The following SESTD1 variants were observed in gnomAD, a reference collection of about 807,000 sequenced individuals.
SESTD1 encodes the protein SEC14 and spectrin domain containing 1.
In SESTD1, 43 loss-of-function variants were observed where a neutral mutation model predicts 101.7. The observed-to-expected ratio is 0.42, with a 90% CI of 0.33 to 0.55. The LOEUF is 0.55. SESTD1 is among the 20% of genes least tolerant of loss of function. The probability of loss-of-function intolerance (pLI) is 0.07; values close to 1 mark genes in which losing one functional copy is unlikely to be tolerated. For missense variants in SESTD1, 647 were observed against 815.1 expected, an observed-to-expected ratio of 0.79 and a Z score of 2.51; for synonymous variants, 283 against 286.8, an observed-to-expected ratio of 0.99 and a Z score of 0.13.
At chr2:179,215,203 TG>T (rs2046703941) in intron 1 of SESTD1, among the ~76,000 whole-genome samples, 1 of 134,896 alleles carries the variant, frequency 7.4e-6, no homozygotes, top group Non-Finnish European at 1.6e-5. Context: ...ATGCAGGAGC[TG>T]GTTTTTTGAA....
Position 179,106,552 on chromosome 2 carries a change from G to A in SESTD1, c.*3347C>T, listed in dbSNP as rs186943887. On this transcript the variant is annotated 3_prime_UTR_variant, in exon 18 of 18. Transcript: ENST00000428443. ...AAGGTAACTTAATTGTCATGCTCAC[G>A]CTAAGGAGTACGACACTAATAATAC... 8.5e-5 allele frequency: 13 copies of A among 152,238 alleles called. No homozygotes were observed. In the East Asian group the frequency reaches 1.2e-3, roughly 14 times the overall value. The allele number at this position is 152,238 out of a possible 1,614,324, so 9.4% of individuals were successfully genotyped here.
Position 179,153,571 on chromosome 2 carries a change from T to C in SESTD1, c.370-2180A>G, listed in dbSNP as rs1225959668. ...TGTCCAATGGAAGGTTTAGAAATAA[T>C]GACCAATTTTGTAGAAATGTATGTT... On this transcript the variant is annotated intron_variant, in intron 5 of 17. Coordinates refer to ENST00000428443, the MANE Select transcript of SESTD1 (RefSeq NM_178123.5). Among the ~76,000 whole-genome samples the C allele has an allele frequency of 1.6e-4, 25 of 152,196 alleles. 2 individuals carry two copies. Among genetic ancestry groups the C allele is most frequent in the Admixed American group, 1.6e-3 (25 of 15,286 alleles).
intron 10 of SESTD1, among the ~76,000 whole-genome samples, chr2:179,125,326 C>T (rs1263044972): frequency 6.6e-6 from 1 of 152,204 alleles, no homozygotes; most frequent in Non-Finnish European, 1.5e-5. Flanking sequence ...ACATGAGAAC[C>T]TCTGTCCTCA....
At chr2:179,147,948 T>G (rs2045431511) in intron 7 of SESTD1, among the ~76,000 whole-genome samples, 1 of 152,244 alleles carries the variant, frequency 6.6e-6, no homozygotes, top group African/African-American at 2.4e-5. Flanking sequence ...AACCACAGCA[T>G]ATATGTGTGT....
intron 9 of SESTD1, 126 bp from the exon 10 acceptor site, chr2:179,132,552 A>G (rs2045035660): frequency 9.6e-7 from 1 of 1,040,940 alleles, no homozygotes; most frequent in Admixed American, 3.3e-5. Flanking sequence ...ACATTCTATC[A>G]CATAGGCAGT....
intron 1 of SESTD1, among the ~76,000 whole-genome samples, chr2:179,219,405 A>T (rs2046771459): frequency 6.6e-6 from 1 of 152,248 alleles, no homozygotes; most frequent in South Asian, 2.1e-4. Flanking sequence ...AGGGTAGCGT[A>T]GGGGTAACTA....
chr2:179,172,600 C>T (rs2045946206), intron 4 of SESTD1, among the ~76,000 whole-genome samples: 1 of 152,108 alleles, frequency 6.6e-6, no homozygotes, highest in Admixed American at 6.5e-5. Context: ...CTAACACAAT[C>T]ATCTTGGAGA....
Position 179,249,594 on chromosome 2 carries a change from T to G in SESTD1, c.-26+14905A>C, listed in dbSNP as rs2047285040. ...GAAACGTGTCAATTCTCTCTGAATT[T>G]ATATGAGTTAAATGCAATTCCTAGC... On this transcript the variant is annotated intron_variant, in intron 1 of 17. Coordinates refer to ENST00000428443, the MANE Select transcript of SESTD1 (RefSeq NM_178123.5). Among the ~76,000 whole-genome samples, 4 of 152,308 alleles carry G rather than the reference T, an allele frequency of 2.6e-5. No homozygotes were observed. The South Asian group carries it at 8.3e-4, about 32-fold the overall frequency.
rs2044466428 is a variant in SESTD1 at position 179,109,822 on chromosome 2, G to A, written c.*77C>T. On this transcript the variant is annotated 3_prime_UTR_variant, in exon 18 of 18. Transcript: ENST00000428443. ...ATTTTGGCTGTGAAATGCATCTTAA[G>A]GTGTGGTGGCTAATGCTGTAGTATG... is the stretch of plus-strand genomic sequence containing the variant. The A allele has an allele frequency of 1.3e-6, 2 of 1,536,274 alleles. No individual in the cohort carries two copies. The highest frequency in any genetic ancestry group is 2.3e-5 in the East Asian group (1 of 44,102).
intron 1 of SESTD1, among the ~76,000 whole-genome samples, chr2:179,215,617 G>A (rs1036934932): frequency 2.2e-5 from 3 of 134,378 alleles, no homozygotes; most frequent in Admixed American, 2.2e-4. Flanking sequence ...AGAAAAACAG[G>A]GAATCCTCCC....
intron 9 of SESTD1, among the ~76,000 whole-genome samples, chr2:179,142,443 A>G (rs999831343): frequency 6.6e-6 from 1 of 152,314 alleles, no homozygotes; most frequent in East Asian, 1.9e-4. Flanking sequence ...AGAGGAAAAG[A>G]GGAAAGAAAG....
intron 1 of SESTD1, among the ~76,000 whole-genome samples, chr2:179,243,628 G>A (rs1338968585): frequency 1.3e-5 from 2 of 152,096 alleles, no homozygotes; most frequent in Non-Finnish European, 2.9e-5. Flanking sequence ...GCAGCTAGAG[G>A]ACATCATCGT....
At chr2:179,200,275 TACAA>T (rs1375757410) in intron 1 of SESTD1, among the ~76,000 whole-genome samples, 1 of 152,072 alleles carries the variant, frequency 6.6e-6, no homozygotes, top group Non-Finnish European at 1.5e-5. Flanking sequence ...TAAAAGAGGA[TACAA>T]ACAAATGGTA....
At chr2:179,199,816 A>G (rs2046475750) in intron 1 of SESTD1, among the ~76,000 whole-genome samples, 1 of 152,234 alleles carries the variant, frequency 6.6e-6, no homozygotes, top group Admixed American at 6.5e-5. Flanking sequence ...CAAAATAATA[A>G]GAGCTATCTA....
At chr2:179,180,040 C>CT (rs2046079770) in intron 3 of SESTD1, among the ~76,000 whole-genome samples, 1 of 152,184 alleles carries the variant, frequency 6.6e-6, no homozygotes, top group African/African-American at 2.4e-5. Context: ...CTCTATCACT[C>CT]TGACTCTTTT....
chr2:179,202,379 T>G (rs1349152351), intron 1 of SESTD1, among the ~76,000 whole-genome samples: 2 of 134,302 alleles, frequency 1.5e-5, no homozygotes, highest in East Asian at 4.0e-4. Context: ...AATGTTAACA[T>G]TAGCATAATA....
chr2:179,132,260 C>T (rs371071382), intron 10 of SESTD1, 44 bp downstream of exon 10: 13 of 1,504,708 alleles, frequency 8.6e-6, no homozygotes, highest in African/African-American at 7.3e-5. Flanking sequence ...TAATTACCCA[C>T]GTTCATAATA....
At chr2:179,213,009 C>T (rs2046671460) in intron 1 of SESTD1, among the ~76,000 whole-genome samples, 1 of 134,852 alleles carries the variant, frequency 7.4e-6, no homozygotes, top group Admixed American at 7.2e-5. Flanking sequence ...ACATCAAAGA[C>T]CAAAGGTAGA....
At chr2:179,259,898 AATG>A (rs2105562727) in intron 1 of SESTD1, among the ~76,000 whole-genome samples, 1 of 152,332 alleles carries the variant, frequency 6.6e-6, no homozygotes, top group East Asian at 1.9e-4. Flanking sequence ...CTGTTTAGTC[AATG>A]ATTTTACCTA....
Sources: allele counts gnomAD v4.1 joint callset (sites outside exome capture counted in the v4.1 genomes callset), GRCh38; gene constraint gnomAD v4.1.1; transcripts MANE v1.5; gene names NCBI Gene and HGNC (gene_info 2026-07-23, HGNC 2026-07-21).